The following RBFOX1 variants were observed in gnomAD, a reference collection of about 807,000 sequenced individuals.
The protein encoded by RBFOX1 is RNA binding fox-1 homolog 1.
In RBFOX1, 8 loss-of-function variants were observed where a neutral mutation model predicts 57.7. The ratio of observed to expected loss-of-function variants is 0.14; its 90% CI spans 0.08 to 0.25. The LOEUF is 0.25. Among genes scored for constraint, RBFOX1 ranks in the 10% least tolerant of loss-of-function variants. RBFOX1 has a pLI of 1.00. For synonymous variants in RBFOX1, 326 were observed against 222.4 expected (o/e 1.47, Z -4.15); for missense variants, 611 against 548.5 (o/e 1.11, Z -1.14).
intron 1 of RBFOX1, among the ~76,000 whole-genome samples, chr16:5,271,130 C>T (rs973312909): frequency 9.2e-5 from 14 of 152,150 alleles, no homozygotes; most frequent in African/African-American, 3.4e-4. Flanking sequence ...TTGCAGTGAG[C>T]CAAGATTGCA....
At chr16:7,615,640 T>C (rs2058315054) in intron 10 of RBFOX1, among the ~76,000 whole-genome samples, 1 of 152,082 alleles carries the variant, frequency 6.6e-6, no homozygotes. Context: ...GATTAGTGAT[T>C]CTTAATATGG....
At chr16:7,437,258 C>CG (rs1555451116) in intron 4 of RBFOX1, among the ~76,000 whole-genome samples, 51 of 150,798 alleles carry the variant, frequency 3.4e-4, no homozygotes, top group Middle Eastern at 3.4e-3. Flanking sequence ...TTGCCCCCCC[C>CG]CCCTTTCTGT....
intron 3 of RBFOX1, among the ~76,000 whole-genome samples, chr16:5,702,113 A>G (rs1413875607): frequency 6.6e-6 from 1 of 152,168 alleles, no homozygotes; most frequent in African/African-American, 2.4e-5. Flanking sequence ...TATTTATCCC[A>G]TTCTCACACT....
At chr16:5,564,790 G>A (rs185394820) in intron 2 of RBFOX1, among the ~76,000 whole-genome samples, 1 of 152,242 alleles carries the variant, frequency 6.6e-6, no homozygotes, top group African/African-American at 2.4e-5. Flanking sequence ...GGTCCTAGAA[G>A]AACAACCCAG....
intron 4 of RBFOX1, among the ~76,000 whole-genome samples, chr16:7,351,442 G>A (rs1470196252): frequency 2.6e-5 from 4 of 152,174 alleles, no homozygotes; most frequent in Admixed American, 2.6e-4. Context: ...TTTTTTTAGT[G>A]GAATTTATGT....
chr16:7,108,252 A>G (rs1242434803), intron 4 of RBFOX1, among the ~76,000 whole-genome samples: 1 of 152,170 alleles, frequency 6.6e-6, no homozygotes, highest in Non-Finnish European at 1.5e-5. Context: ...AGAAGGATTA[A>G]TGGGGAACTG....
At chr16:7,240,016 G>C (rs910950619) in intron 4 of RBFOX1, among the ~76,000 whole-genome samples, 1 of 152,148 alleles carries the variant, frequency 6.6e-6, no homozygotes, top group African/African-American at 2.4e-5. Context: ...GCCCAGGCTG[G>C]AGTGCAATGC....
At chr16:5,934,512 C>G (rs894903718) in intron 4 of RBFOX1, among the ~76,000 whole-genome samples, 2 of 152,200 alleles carry the variant, frequency 1.3e-5, no homozygotes, top group East Asian at 1.9e-4. Context: ...ATATCCTGGC[C>G]TAGTCCACGA....
At chr16:6,962,112 C>A (rs1013942820) in intron 3 of RBFOX1, among the ~76,000 whole-genome samples, 31 of 152,170 alleles carry the variant, frequency 2.0e-4, no homozygotes, top group African/African-American at 7.0e-4. Flanking sequence ...CAGGCTGTAT[C>A]CAGGACCATA....
rs895846621 is a variant in RBFOX1, at chr16:7,550,515, C to G, written c.271-29262C>G. ...GGGGGCACTGTATCAATAAAACGAC[C>G]AAATTATTAAATTATCACTCTACAG... On this transcript the variant is annotated intron_variant, in intron 5 of 15. Coordinates refer to ENST00000550418, the MANE Select transcript of RBFOX1 (RefSeq NM_018723.4). Among the ~76,000 whole-genome samples the G allele has an allele frequency of 6.0e-4, 91 of 152,202 alleles. 1 individual carries two copies. Among genetic ancestry groups the G allele is most frequent in the African/African-American group, 2.1e-3 (89 of 41,552 alleles).
chr16:6,394,248 A>T (rs1451325681), intron 2 of RBFOX1, among the ~76,000 whole-genome samples: 1 of 152,214 alleles, frequency 6.6e-6, no homozygotes, highest in Non-Finnish European at 1.5e-5. Context: ...TTGTTTGCTC[A>T]TCTGAAAACA....
chr16:7,661,195 T>A (rs1373131630), intron 12 of RBFOX1, among the ~76,000 whole-genome samples: 1 of 152,200 alleles, frequency 6.6e-6, no homozygotes, highest in Non-Finnish European at 1.5e-5. Context: ...GCTTCCACAT[T>A]TTTTAGAGTT....
At chr16:5,738,188 A>G (rs1407314166) in intron 3 of RBFOX1, among the ~76,000 whole-genome samples, 1 of 152,104 alleles carries the variant, frequency 6.6e-6, no homozygotes, top group Non-Finnish European at 1.5e-5. Context: ...ATATTTATAC[A>G]TATTCATGAA....
chr16:5,365,421 A>T (rs1390568313), intron 1 of RBFOX1, among the ~76,000 whole-genome samples: 1 of 152,204 alleles, frequency 6.6e-6, no homozygotes, highest in African/African-American at 2.4e-5. Context: ...TAATCCCAGC[A>T]CTTTGGGAGG....
At chr16:7,687,996 T>C (rs764883201) in intron 14 of RBFOX1, among the ~76,000 whole-genome samples, 18 of 152,142 alleles carry the variant, frequency 1.2e-4, no homozygotes, top group Non-Finnish European at 2.6e-4. Context: ...TGGTATTTTA[T>C]TTAAAAAACA....
At chr16:6,608,181 C>G (rs888128552) in intron 2 of RBFOX1, among the ~76,000 whole-genome samples, 6 of 152,150 alleles carry the variant, frequency 3.9e-5, no homozygotes, top group Admixed American at 3.3e-4. Flanking sequence ...TATTTTGAGT[C>G]TGTATCCTTG....
At chr16:5,782,347 A>C (rs746640122) in intron 3 of RBFOX1, among the ~76,000 whole-genome samples, 1 of 152,166 alleles carries the variant, frequency 6.6e-6, no homozygotes, top group African/African-American at 2.4e-5. Flanking sequence ...GTGTCCTCCT[A>C]TGATGGAGGG....
intron 3 of RBFOX1, among the ~76,000 whole-genome samples, chr16:6,820,278 T>G (rs748603481): frequency 1.3e-5 from 2 of 152,202 alleles, no homozygotes; most frequent in African/African-American, 2.4e-5. Flanking sequence ...CTCAGGTATT[T>G]CTTCATAGCA....
intron 5 of RBFOX1, among the ~76,000 whole-genome samples, chr16:7,534,416 G>C (rs1050037112): frequency 6.6e-6 from 1 of 151,924 alleles, no homozygotes; most frequent in African/African-American, 2.4e-5. Context: ...TTTAAACACT[G>C]AGGACACACA....
Sources: allele counts gnomAD v4.1 joint callset (sites outside exome capture counted in the v4.1 genomes callset), GRCh38; gene constraint gnomAD v4.1.1; transcripts MANE v1.5; gene names NCBI Gene and HGNC (gene_info 2026-07-23, HGNC 2026-07-21).